Variants in ESF1 observed in about 807,000 individuals in gnomAD.
The protein encoded by ESF1 is ESF1 homolog.
Under a neutral mutation model 92.0 loss-of-function variants are expected in ESF1, and 58 were observed. The ratio of observed to expected loss-of-function variants is 0.63; its 90% confidence interval spans 0.51 to 0.78. The LOEUF (loss-of-function observed/expected upper bound fraction) is 0.78. Ranked by LOEUF, ESF1 falls within the 30% of genes least tolerant of loss-of-function variation. ESF1 has a pLI of 0.00. For synonymous variants in ESF1, 321 were observed against 313.7 expected (o/e 1.02, Z -0.24); for missense variants, 922 against 989.1 (o/e 0.93, Z 0.91).
At chr20:13,755,076 G>A (rs560843906) in intron 9 of ESF1, among the ~76,000 whole-genome samples, 25 of 152,132 alleles carry the variant, frequency 1.6e-4, no homozygotes, top group Non-Finnish European at 3.1e-4. Context: ...CTCCTTCACC[G>A]GAGTATAAGA....
intron 1 of ESF1, 150 bp downstream of exon 1, chr20:13,784,728 TGA>T: frequency 3.1e-6 from 1 of 327,188 alleles, no homozygotes; most frequent in South Asian, 3.1e-5. Flanking sequence ...GACTGAAGAA[TGA>T]GACCGAAAAA....
At chr20:13,772,716 A>G (rs1173760802) in intron 4 of ESF1, 101 bp from the exon 5 acceptor site, 6 of 783,992 alleles carry the variant, frequency 7.7e-6, no homozygotes, top group African/African-American at 6.8e-5. Flanking sequence ...ACTTGACTCA[A>G]TGAAAACAGT....
At chr20:13,769,042 C>A (rs1979563588) in intron 7 of ESF1, among the ~76,000 whole-genome samples, 2 of 151,958 alleles carry the variant, frequency 1.3e-5, no homozygotes, top group Non-Finnish European at 2.9e-5. Flanking sequence ...CATATCAATT[C>A]TTTTTACAGT....
Position 13,780,682 on chromosome 20 carries a change from G to A in ESF1, c.637+1822C>T, listed in dbSNP as rs563399070. On this transcript the variant is annotated intron_variant, in intron 2 of 13. Transcript: ENST00000617257. ...ACCTCTTGGCCTATCAAGACCTCTCGGCCTATCAAGACCCCTCCTTGGATC... is the reference window on the plus strand; with the variant it reads ...ACCTCTTGGCCTATCAAGACCTCTCAGCCTATCAAGACCCCTCCTTGGATC... 7.1e-4 allele frequency among the ~76,000 whole-genome samples: 108 copies of A among 152,158 alleles called. 1 individual carries two copies. The highest frequency in any genetic ancestry group is 2.4e-3 in the African/African-American group (99 of 41,492).
chr20:13,763,678 T>G (rs1001109343), intron 8 of ESF1, among the ~76,000 whole-genome samples: 2 of 152,194 alleles, frequency 1.3e-5, no homozygotes, highest in Non-Finnish European at 2.9e-5. Flanking sequence ...AAAAAAGGAC[T>G]CAGCTGTTCT....
Position 13,717,387 on chromosome 20 carries a change from A to G in ESF1, c.2243T>C (p.Leu748Ser), listed in dbSNP as rs1245716463. 1 of 1,613,870 alleles carries G rather than the reference A, an allele frequency of 6.2e-7. No individual in the cohort carries two copies. Among genetic ancestry groups the G allele is most frequent in the Non-Finnish European group, 8.5e-7 (1 of 1,179,968 alleles). Reference sequence around the variant, plus strand: ...GGTTACCTCAAAGTCATCCTCTATTAATTCCTTCTTTTTCATGAGCTGCTT... The same window carrying G: ...GGTTACCTCAAAGTCATCCTCTATTGATTCCTTCTTTTTCATGAGCTGCTT... ...KKKQLMKKKELIEDDFEVNVN... is the reference protein window; with the variant it reads ...KKKQLMKKKESIEDDFEVNVN... The change falls in exon 13 of 14, where the codon TTA becomes TCA. Residue 748 changes from leucine (L) to serine (S), a missense_variant. Physicochemically the swap from Leu to Ser is moderately radical, Grantham distance 145 (BLOSUM62 -2). Coordinates refer to ENST00000617257, the MANE Select transcript of ESF1 (RefSeq NM_001276380.2).
intron 9 of ESF1, among the ~76,000 whole-genome samples, chr20:13,748,592 A>ATTTTTTTT (rs58809594): frequency 1.6e-4 from 15 of 95,724 alleles, no homozygotes; most frequent in South Asian, 2.8e-4. Flanking sequence ...ATATATATAT[A>ATTTTTTTT]TTTTTTTTTT....
At chr20:13,784,511 T>A (rs909786133) in intron 1 of ESF1, among the ~76,000 whole-genome samples, 4 of 152,122 alleles carry the variant, frequency 2.6e-5, no homozygotes, top group African/African-American at 9.7e-5. Context: ...TCATTATATG[T>A]CAGATAATCC....
chr20:13,774,264 T>C (rs1316417123), intron 4 of ESF1, among the ~76,000 whole-genome samples: 1 of 69,284 alleles, frequency 1.4e-5, no homozygotes, highest in African/African-American at 5.0e-5. Context: ...AGGTTGAGCA[T>C]CCCAAATCCC....
At position 13,714,794 on chromosome 20, in the gene ESF1, T is replaced by C. The variant is rs535656674; in HGVS notation, c.*80A>G. 5.1e-5 allele frequency: 60 copies of C among 1,183,360 alleles called. No homozygotes were observed. Among genetic ancestry groups the C allele is most frequent in the Non-Finnish European group, 6.5e-5 (56 of 859,490 alleles). The allele number at this position is 1,183,360 out of a possible 1,614,324, so 73.3% of individuals were successfully genotyped here. ...TTCATGTTCTTGAAAGATAGCTTTGTTCCCAATAAATATTCCCTCCTATTA... is the reference window on the plus strand; with the variant it reads ...TTCATGTTCTTGAAAGATAGCTTTGCTCCCAATAAATATTCCCTCCTATTA... On this transcript the variant is annotated 3_prime_UTR_variant, in exon 14 of 14. Transcript: ENST00000617257.
In ESF1 at chr20:13,732,201, T is replaced by G. The variant is rs558365298; in HGVS notation, c.1950+1520A>C. On this transcript the variant is annotated intron_variant, in intron 10 of 13. Transcript: ENST00000617257. ...CCCCAATCTATGGGATCTGACACTA[T>G]CTCCAGGTAGTGTTGGAATTGGAGG... 5.9e-5 allele frequency among the ~76,000 whole-genome samples: 9 copies of G among 152,146 alleles called. No individual in the cohort carries two copies. In the South Asian group the frequency reaches 1.9e-3, roughly 32 times the overall value.
At chr20:13,736,715 T>C (rs1237752348) in intron 9 of ESF1, among the ~76,000 whole-genome samples, 1 of 152,202 alleles carries the variant, frequency 6.6e-6, no homozygotes, top group East Asian at 1.9e-4. Flanking sequence ...AAGTGGTTCA[T>C]GTGGTTAAAA....
intron 9 of ESF1, among the ~76,000 whole-genome samples, chr20:13,751,936 A>G (rs969279545): frequency 6.6e-6 from 1 of 152,212 alleles, no homozygotes; most frequent in East Asian, 1.9e-4. Flanking sequence ...CGGAGGTTGC[A>G]GTGAGCCAAG....
At chr20:13,784,284 A>AC (rs35274784) in intron 1 of ESF1, among the ~76,000 whole-genome samples, 56,086 of 143,876 alleles carry the variant, frequency 0.39, 11,225 homozygotes, top group South Asian at 0.53. Context: ...TTATTAAGCA[A>AC]CCCCCCCCCA....
At chr20:13,761,960 A>G (rs1979220852) in intron 8 of ESF1, among the ~76,000 whole-genome samples, 1 of 152,192 alleles carries the variant, frequency 6.6e-6, no homozygotes, top group African/African-American at 2.4e-5. Flanking sequence ...TCTCCTCTAT[A>G]ACCTATGGCT....
chr20:13,755,019 G>C (rs1446288951), intron 9 of ESF1, among the ~76,000 whole-genome samples: 1 of 152,176 alleles, frequency 6.6e-6, no homozygotes, highest in African/African-American at 2.4e-5. Flanking sequence ...ACTTTCTTTA[G>C]TTCCTGGTCA....
rs1979667732 is a variant in ESF1, at chr20:13,771,249, G to C, written c.1403+82C>G. On this transcript the variant is annotated intron_variant, in intron 6 of 13. Transcript: ENST00000617257. ...AAATCATTTTAGAATATAAAACAGA[G>C]ATCACTACCAGTTCAAATATTTTAC... 6 of 1,293,024 alleles carry C rather than the reference G, an allele frequency of 4.6e-6. No homozygotes were observed. The Middle Eastern group carries it at 7.9e-4, about 171-fold the overall frequency. 80.1% of individuals were successfully genotyped at this position (1,293,024 alleles called of 1,614,324 possible). A position where few individuals can be genotyped will look rare whatever the true frequency, so the allele number is the denominator to read the frequency against.
At chr20:13,775,075 C>T (rs904343423) in intron 4 of ESF1, 82 bp downstream of exon 4, 19 of 858,140 alleles carry the variant, frequency 2.2e-5, no homozygotes, top group Non-Finnish European at 3.1e-5. Context: ...AAAAGGAAAA[C>T]TATGGCCAAA....
In ESF1 at chr20:13,715,055, T is replaced by A; in HGVS notation, c.2375A>T (p.Glu792Val). Residue 792 changes from glutamate (E) to valine (V), a missense_variant, in exon 14 of 14, where the codon GAG (glutamate) becomes GTG (valine). Physicochemically the swap from Glu to Val is moderately radical, Grantham distance 121. Transcript: ENST00000617257. ...KTKAMEKILE[E>V]KARQRERKEQ... is the part of the protein sequence containing the mutation. ...TTTCCGTTCTCTTTGCCGGGCCTTCTCCTCAAGGATTTTTTCCATAGCTTT... is the reference window on the plus strand; with the variant it reads ...TTTCCGTTCTCTTTGCCGGGCCTTCACCTCAAGGATTTTTTCCATAGCTTT... 1 of 1,614,022 alleles carries A rather than the reference T, an allele frequency of 6.2e-7. No individual in the cohort carries two copies. Among genetic ancestry groups the A allele is most frequent in the Non-Finnish European group, 8.5e-7 (1 of 1,179,994 alleles).
Sources: gnomAD v4.1 joint callset for allele counts (sites outside exome capture counted in the v4.1 genomes callset) on GRCh38, gnomAD v4.1.1 for gene constraint, MANE v1.5 for transcripts, NCBI Gene and HGNC (gene_info 2026-07-23, HGNC 2026-07-21) for gene names.